Variants in HOPX observed in about 807,000 individuals in gnomAD.
HOPX encodes homeodomain-only protein.
A neutral mutation model predicts 11.8 loss-of-function variants in HOPX; 5 were observed. The observed-to-expected ratio is 0.43, with a 90% CI of 0.22 to 0.89. The LOEUF (loss-of-function observed/expected upper bound fraction) is 0.89, where lower values mean the gene tolerates loss of function less well. HOPX is among the 40% of genes least tolerant of loss of function. The probability of loss-of-function intolerance (pLI) is 0.28; values close to 1 mark genes in which losing one functional copy is unlikely to be tolerated. For synonymous variants in HOPX, 49 were observed against 49.7 expected (o/e 0.99, Z 0.06); for missense variants, 119 against 120.0 (o/e 0.99, Z 0.04).
At chr4:56,650,993 T>C in intron 3 of HOPX, 1 of 515,146 alleles carries the variant, frequency 1.9e-6, no homozygotes, top group Non-Finnish European at 3.3e-6. Context: ...GTTTCAAGGA[T>C]GCAAGGTCTG....
chr4:56,667,392 A>C (rs1357610467), intron 1 of HOPX, among the ~76,000 whole-genome samples: 9 of 152,160 alleles, frequency 5.9e-5, no homozygotes. Context: ...AAAAGCCCTG[A>C]GTGCATGGCT....
In HOPX at chr4:56,655,960, A is replaced by C. The variant is rs1442134514; in HGVS notation, c.95T>G (p.Val32Gly). 6.2e-7 allele frequency: 1 copy of C among 1,610,716 alleles called. No homozygotes were observed. The highest frequency in any genetic ancestry group is 2.2e-5 in the East Asian group (1 of 44,714). The change falls in exon 3 of 4, where the codon GTG (valine) becomes GGG (glycine). Residue 32 changes from valine (V) to glycine (G), a missense_variant. By Grantham distance (109) the Val-to-Gly change is moderately radical (BLOSUM62 -3). Transcript: ENST00000420433. ...GTTGAAGTTGTACTCCAGGATTTCC[A>C]CCTGGTCCTCTGTGGGGCCGCTCGC... is the stretch of plus-strand genomic sequence containing the variant. ...ETASGPTEDQ[V>G]EILEYNFNKV...
intron 1 of HOPX, chr4:56,676,484 A>G (rs867690755): frequency 4.0e-5 from 6 of 151,720 alleles, no homozygotes; most frequent in Admixed American, 2.6e-4. Context: ...AAGAAATTCT[A>G]TCGGTCATAC....
chr4:56,657,731 C>A, intron 2 of HOPX, 44 bp downstream of exon 2: 1 of 840,458 alleles, frequency 1.2e-6, no homozygotes, highest in Non-Finnish European at 2.0e-6. Flanking sequence ...TTGCCCGTAC[C>A]TTTGACACAC....
intron 3 of HOPX, among the ~76,000 whole-genome samples, chr4:56,653,988 G>A (rs547972750): frequency 6.6e-5 from 10 of 152,298 alleles, no homozygotes; most frequent in African/African-American, 2.4e-4. Context: ...CTAATGCAGA[G>A]GAAAGACAGC....
At chr4:56,651,873 A>AGTGTGTGTGTGT (rs796685500) in intron 3 of HOPX, among the ~76,000 whole-genome samples, 9 of 136,762 alleles carry the variant, frequency 6.6e-5, no homozygotes, top group Admixed American at 1.5e-4. Context: ...AGAGAGAGAG[A>AGTGTGTGTGTGT]GTGTGTGTGT....
intron 1 of HOPX, among the ~76,000 whole-genome samples, chr4:56,669,081 G>A (rs916068840): frequency 2.0e-5 from 3 of 152,174 alleles, no homozygotes; most frequent in Non-Finnish European, 4.4e-5. Flanking sequence ...GTGAAGGTGT[G>A]GGCCAGATGA....
At chr4:56,663,144 T>C (rs1166667301) in intron 1 of HOPX, 1 of 152,206 alleles carries the variant, frequency 6.6e-6, no homozygotes, top group Non-Finnish European at 1.5e-5. Flanking sequence ...TGTTCCTTTG[T>C]TCTGTAAAGT....
intron 1 of HOPX, among the ~76,000 whole-genome samples, chr4:56,672,463 C>T (rs1195845921): frequency 4.0e-5 from 6 of 151,462 alleles, no homozygotes; most frequent in Admixed American, 2.0e-4. Context: ...CGCTTGAACC[C>T]GAGAAGTGGA....
intron 1 of HOPX, among the ~76,000 whole-genome samples, chr4:56,670,729 G>T (rs1192278781): frequency 6.6e-6 from 1 of 152,218 alleles, no homozygotes; most frequent in African/African-American, 2.4e-5. Context: ...GGGCGTAGTG[G>T]CTCACGCCTG....
intron 2 of HOPX, 122 bp downstream of exon 2, chr4:56,657,653 C>G: frequency 2.8e-6 from 2 of 705,040 alleles, no homozygotes; most frequent in South Asian, 3.0e-5. Context: ...AGCACTGATT[C>G]CTGTCACGGT....
chr4:56,667,677 A>G (rs966398128), intron 1 of HOPX, among the ~76,000 whole-genome samples: 11 of 152,168 alleles, frequency 7.2e-5, no homozygotes, highest in African/African-American at 2.4e-4. Context: ...CTGCAACACT[A>G]TGCATTTTTA....
chr4:56,666,839 T>TA (rs1159691458), intron 1 of HOPX, among the ~76,000 whole-genome samples: 1 of 152,192 alleles, frequency 6.6e-6, no homozygotes. Context: ...AAGAATATTG[T>TA]AAGTGTGTAG....
intron 1 of HOPX, among the ~76,000 whole-genome samples, chr4:56,666,959 A>G (rs998167241): frequency 2.0e-5 from 3 of 152,254 alleles, no homozygotes; most frequent in Admixed American, 1.3e-4. Flanking sequence ...GTGAAATTTA[A>G]TAAGTTATTT....
intron 1 of HOPX, among the ~76,000 whole-genome samples, chr4:56,675,718 C>G (rs1049032865): frequency 1.3e-5 from 2 of 151,750 alleles, no homozygotes; most frequent in African/African-American, 4.9e-5. Context: ...CCCAGGAAGA[C>G]AGCAGATACA....
At chr4:56,655,217 AT>A (rs1560363060) in intron 3 of HOPX, among the ~76,000 whole-genome samples, 1 of 152,112 alleles carries the variant, frequency 6.6e-6, no homozygotes, top group Non-Finnish European at 1.5e-5. Context: ...GAGCCGGGGA[AT>A]TTTTTAAAAA....
chr4:56,676,043 T>C (rs1375057356), intron 1 of HOPX, among the ~76,000 whole-genome samples: 1 of 151,772 alleles, frequency 6.6e-6, no homozygotes, highest in Non-Finnish European at 1.5e-5. Context: ...ATGCCTGTAA[T>C]GGCAGCATTT....
At chr4:56,657,311 G>A (rs1426463605) in intron 2 of HOPX, among the ~76,000 whole-genome samples, 1 of 152,126 alleles carries the variant, frequency 6.6e-6, no homozygotes, top group Non-Finnish European at 1.5e-5. Context: ...GGCAAGTGTG[G>A]GAATCACGTT....
At chr4:56,657,426 C>A (rs1035613157) in intron 2 of HOPX, among the ~76,000 whole-genome samples, 2 of 152,198 alleles carry the variant, frequency 1.3e-5, no homozygotes, top group Admixed American at 6.5e-5. Context: ...GATGTCCCGG[C>A]AGAATGTACC....
Sources: allele counts gnomAD v4.1 joint callset (sites outside exome capture counted in the v4.1 genomes callset), GRCh38; gene constraint gnomAD v4.1.1; transcripts MANE v1.5; gene names NCBI Gene and HGNC (gene_info 2026-07-23, HGNC 2026-07-21).